SORD: variants seen among roughly 807,000 people sequenced by gnomAD.
SORD encodes (R,R)-butanediol dehydrogenase.
Under a neutral mutation model 35.6 loss-of-function variants are expected in SORD, and 18 were observed. The ratio of observed to expected loss-of-function variants is 0.51; its 90% CI spans 0.35 to 0.75. The LOEUF (loss-of-function observed/expected upper bound fraction) is 0.75. Ranked by LOEUF, SORD falls within the 30% of genes least tolerant of loss-of-function variation. The pLI, the probability that SORD is intolerant of heterozygous loss-of-function variation, is 0.01. For missense variants in SORD, 250 were observed against 390.2 expected (o/e 0.64, Z 3.03); for synonymous variants, 106 against 152.9 (o/e 0.69, Z 2.26).
chr15:45,063,785 T>C (rs1283278854), intron 4 of SORD, among the ~76,000 whole-genome samples: 1 of 152,198 alleles, frequency 6.6e-6, no homozygotes, highest in African/African-American at 2.4e-5. Context: ...TGAGAGAGTT[T>C]AGGAATCTTC....
chr15:45,063,033 G>C (rs559366099), intron 4 of SORD, among the ~76,000 whole-genome samples: 11 of 147,954 alleles, frequency 7.4e-5, no homozygotes, highest in Admixed American at 2.0e-4. Context: ...GCCTGAAAGA[G>C]AGCCTTGTGC....
At position 45,046,947 on chromosome 15, in the gene SORD, G is replaced by A. The variant is rs1292735880; in HGVS notation, c.265+3526G>A. ...GCAGGAGAATTTCTTGAACCTGGGAGGTAGAGGTTGCAGTGAGCTGAGATC... is the reference window on the plus strand; with the variant it reads ...GCAGGAGAATTTCTTGAACCTGGGAAGTAGAGGTTGCAGTGAGCTGAGATC... On this transcript the variant is annotated intron_variant, in intron 3 of 8. Coordinates refer to ENST00000267814, the MANE Select transcript of SORD (RefSeq NM_003104.6). 2.6e-5 allele frequency among the ~76,000 whole-genome samples: 4 copies of A among 152,304 alleles called. No homozygotes were observed. In the East Asian group the frequency reaches 5.8e-4, roughly 22 times the overall value.
At chr15:45,029,245 T>G (rs73421327) in intron 1 of SORD, among the ~76,000 whole-genome samples, 678 of 152,254 alleles carry the variant, frequency 4.5e-3, no homozygotes, top group Admixed American at 0.023. Context: ...TTAAATCCAG[T>G]AAACACTCCC....
At chr15:45,037,444 G>C (rs1892886801) in intron 1 of SORD, among the ~76,000 whole-genome samples, 1 of 152,200 alleles carries the variant, frequency 6.6e-6, no homozygotes, top group Admixed American at 6.5e-5. Flanking sequence ...GGTCTGGCCA[G>C]GCTGGAGGCA....
chr15:45,037,161 A>C (rs1225140336), intron 1 of SORD, among the ~76,000 whole-genome samples: 2 of 152,194 alleles, frequency 1.3e-5, no homozygotes, highest in Non-Finnish European at 2.9e-5. Flanking sequence ...TGGAAAAAGA[A>C]AGTTGGTGTG....
intron 5 of SORD, among the ~76,000 whole-genome samples, chr15:45,065,942 AAAAC>A (rs770943480): frequency 3.3e-5 from 5 of 151,896 alleles, no homozygotes; most frequent in East Asian, 1.9e-4. Flanking sequence ...ACCCCATCTC[AAAAC>A]AAACAAACAA....
intron 1 of SORD, among the ~76,000 whole-genome samples, chr15:45,024,872 CAG>C (rs1892645682): frequency 6.6e-6 from 1 of 152,152 alleles, no homozygotes; most frequent in Admixed American, 6.5e-5. Context: ...ATGGAGGCCT[CAG>C]AGAGAAAAGA....
chr15:45,070,142 T>TCAGGCC (rs1313868609), intron 7 of SORD: 2 of 152,176 alleles, frequency 1.3e-5, no homozygotes, highest in African/African-American at 4.8e-5. Flanking sequence ...GCAAGCCAAG[T>TCAGGCC]CAGGCCCAGG....
At chr15:45,038,787 G>A (rs1378128538) in intron 1 of SORD, among the ~76,000 whole-genome samples, 1 of 152,098 alleles carries the variant, frequency 6.6e-6, no homozygotes, top group Non-Finnish European at 1.5e-5. Flanking sequence ...AGTGCGGTGG[G>A]GCTGCCTATG....
At position 45,068,918 on chromosome 15, in the gene SORD, G is replaced by A. The variant is rs749291047; in HGVS notation, c.652G>A (p.Ala218Thr). The A allele has an allele frequency of 3.8e-6, 6 of 1,575,452 alleles. No homozygotes were observed. Among genetic ancestry groups the A allele is most frequent in the Non-Finnish European group, 3.4e-6 (4 of 1,162,826 alleles). ...ATTGTCCAAAGCCAAGGAGATTGGG[G>A]CTGATTTAGTCCTCCAGATCTCCAA... ...TRLSKAKEIG[A>T]DLVLQISKES... Residue 218 changes from alanine (A) to threonine (T), a missense_variant, in exon 7 of 9, where the codon GCT (alanine) becomes ACT (threonine). This residue lies in a region of SORD where 7 missense variants were observed against 27.4 expected (regional missense o/e 0.26). Transcript: ENST00000267814.
At chr15:45,025,854 C>T (rs139091557) in intron 1 of SORD, among the ~76,000 whole-genome samples, 3 of 152,278 alleles carry the variant, frequency 2.0e-5, no homozygotes, top group East Asian at 1.9e-4. Context: ...AGCACTACTG[C>T]GGACTTTATT....
chr15:45,061,270 C>G (rs372719655), intron 4 of SORD, 44 bp downstream of exon 4: 28 of 1,599,396 alleles, frequency 1.8e-5, no homozygotes, highest in Non-Finnish European at 2.4e-5. Flanking sequence ...ACCTCTTTCC[C>G]TTCATTAGCT....
At chr15:45,052,419 C>T (rs1050128432) in intron 3 of SORD, among the ~76,000 whole-genome samples, 1 of 152,226 alleles carries the variant, frequency 6.6e-6, no homozygotes, top group South Asian at 2.1e-4. Flanking sequence ...AGCCTGGTCC[C>T]TAATAGAGGG....
At chr15:45,023,437 C>A in intron 1 of SORD, 88 bp downstream of exon 1, 1 of 1,188,962 alleles carries the variant, frequency 8.4e-7, no homozygotes, top group Non-Finnish European at 1.1e-6. Flanking sequence ...CACTTCCAGC[C>A]TGGCGCCGGC....
At chr15:45,029,373 T>TACCGAAGGG (rs1333026201) in intron 1 of SORD, among the ~76,000 whole-genome samples, 1 of 152,264 alleles carries the variant, frequency 6.6e-6, no homozygotes, top group Admixed American at 6.5e-5. Context: ...TCGCCAGACC[T>TACCGAAGGG]GTGGAGTACT....
chr15:45,072,552 T>C lies in SORD; in HGVS notation c.908+114T>C, dbSNP rs575898504. The C allele has an allele frequency of 3.1e-5, 15 of 478,472 alleles. No homozygotes were observed. In the South Asian group the frequency reaches 4.4e-4, roughly 14 times the overall value. The allele number at this position is 478,472 out of a possible 1,614,324, so 29.6% of individuals were successfully genotyped here. On this transcript the variant is annotated intron_variant, in intron 8 of 8. Coordinates refer to ENST00000267814, the MANE Select transcript of SORD (RefSeq NM_003104.6). ...CTGTTTGTTCATGGGGGGCACTCCC[T>C]GGCCACACTGATAGCTGTGTGATAT...
At chr15:45,055,352 T>C (rs992907558) in intron 3 of SORD, among the ~76,000 whole-genome samples, 10 of 152,002 alleles carry the variant, frequency 6.6e-5, no homozygotes, top group African/African-American at 2.4e-4. Context: ...TCAGAGAATA[T>C]TACAAACACC....
At chr15:45,047,438 C>T (rs1469372632) in intron 3 of SORD, among the ~76,000 whole-genome samples, 2 of 152,176 alleles carry the variant, frequency 1.3e-5, no homozygotes, top group Non-Finnish European at 2.9e-5. Flanking sequence ...AGTCAAATCT[C>T]CACAGCTTAT....
At chr15:45,035,968 CG>C (rs1478212849) in intron 1 of SORD, among the ~76,000 whole-genome samples, 1 of 148,224 alleles carries the variant, frequency 6.7e-6, no homozygotes, top group East Asian at 2.0e-4. Flanking sequence ...GTAACACTCA[CG>C]GCGAAGGTCT....
Sources: gnomAD v4.1 joint callset for allele counts (sites outside exome capture counted in the v4.1 genomes callset) on GRCh38, gnomAD v4.1.1 for gene constraint, gnomAD v4.1.1 regional missense constraint, MANE v1.5 for transcripts, NCBI Gene and HGNC (gene_info 2026-07-23, HGNC 2026-07-21) for gene names.